The following PPARGC1A variants were observed in gnomAD, a reference collection of about 807,000 sequenced individuals.
The protein encoded by PPARGC1A is peroxisome proliferator-activated receptor gamma coactivator 1-alpha.
In PPARGC1A, 25 loss-of-function variants were observed where a neutral mutation model predicts 88.7. That is an observed-to-expected ratio of 0.28 (90% CI 0.21 to 0.39). The LOEUF (loss-of-function observed/expected upper bound fraction) is 0.39. PPARGC1A is among the 10% of genes least tolerant of loss of function. The pLI, the probability that PPARGC1A is intolerant of heterozygous loss-of-function variation, is 1.00. For missense variants in PPARGC1A, 880 were observed against 968.7 expected (o/e 0.91, Z 1.22); for synonymous variants, 363 against 355.6 (o/e 1.02, Z -0.24).
chr4:24,012,249 G>GT, the PPARGC1A span, among the ~76,000 whole-genome samples: 1 of 152,112 alleles, frequency 6.6e-6, no homozygotes, highest in African/African-American at 2.4e-5. Flanking sequence ...GAAAAAATAT[G>GT]TTGTGGGTCA....
chr4:24,145,899 A>G, the PPARGC1A span, among the ~76,000 whole-genome samples: 22 of 152,180 alleles, frequency 1.4e-4, no homozygotes, highest in African/African-American at 5.1e-4. Flanking sequence ...AACTTCCACA[A>G]GGACGTGTGG....
chr4:24,428,838 A>G, the PPARGC1A span, among the ~76,000 whole-genome samples: 1 of 152,220 alleles, frequency 6.6e-6, no homozygotes, highest in African/African-American at 2.4e-5. Context: ...CTTTCTTATC[A>G]TTAGGCATAC....
the PPARGC1A span, among the ~76,000 whole-genome samples, chr4:23,963,555 G>A: frequency 6.6e-6 from 1 of 152,170 alleles, no homozygotes; most frequent in Non-Finnish European, 1.5e-5. Context: ...AAGACTCACA[G>A]TCTGTTTGAA....
At chr4:23,870,258 T>C (rs1242123464) in intron 2 of PPARGC1A, among the ~76,000 whole-genome samples, 1 of 152,228 alleles carries the variant, frequency 6.6e-6, no homozygotes, top group East Asian at 1.9e-4. Flanking sequence ...TTATTAAAAC[T>C]TTTTTATGGA....
intron 10 of PPARGC1A, among the ~76,000 whole-genome samples, chr4:23,810,763 TA>T (rs1720750692): frequency 6.6e-6 from 1 of 152,156 alleles, no homozygotes; most frequent in African/African-American, 2.4e-5. Flanking sequence ...TTATAAAATA[TA>T]AATTTGCAAA....
At chr4:23,866,945 C>T (rs888763848) in intron 2 of PPARGC1A, among the ~76,000 whole-genome samples, 5 of 152,126 alleles carry the variant, frequency 3.3e-5, no homozygotes, top group African/African-American at 4.8e-5. Flanking sequence ...GCAATGTAGA[C>T]GGGACTTGTT....
chr4:23,903,647 C>A (rs565882268), upstream of PPARGC1A, among the ~76,000 whole-genome samples: 30 of 152,256 alleles, frequency 2.0e-4, no homozygotes, highest in Admixed American at 5.9e-4. Context: ...CCCCAGAAAA[C>A]TGGAGCAGTG....
chr4:24,132,046 G>A, the PPARGC1A span, among the ~76,000 whole-genome samples: 1 of 152,160 alleles, frequency 6.6e-6, no homozygotes, highest in Non-Finnish European at 1.5e-5. Context: ...TGAATTGGCC[G>A]CGGGCATTTC....
At chr4:24,470,725 G>A in the PPARGC1A span, among the ~76,000 whole-genome samples, 1 of 151,758 alleles carries the variant, frequency 6.6e-6, no homozygotes. This position sits in a 1 kb window ranked among gnomAD's most constrained non-coding sequence, Gnocchi z 5.8. Flanking sequence ...CACCCGCGGC[G>A]GCGGCCCGAC....
chr4:24,317,554 C>CAAAAAAAAAAAAAAA, the PPARGC1A span, among the ~76,000 whole-genome samples: 4 of 14,252 alleles, frequency 2.8e-4, no homozygotes, highest in Non-Finnish European at 7.8e-4. Context: ...GTTCAGAGGA[C>CAAAAAAAAAAAAAAA]TAAAAAAAAA....
At chr4:24,278,135 C>T in the PPARGC1A span, among the ~76,000 whole-genome samples, 2 of 151,610 alleles carry the variant, frequency 1.3e-5, no homozygotes, top group Admixed American at 1.3e-4. Context: ...CCACTGCACT[C>T]CAGCCTGGGT....
chr4:24,151,388 G>T, the PPARGC1A span, among the ~76,000 whole-genome samples: 1 of 152,128 alleles, frequency 6.6e-6, no homozygotes, highest in South Asian at 2.1e-4. Flanking sequence ...AAAGGGCTCT[G>T]TTCTCTTCCT....
the PPARGC1A span, among the ~76,000 whole-genome samples, chr4:24,174,598 A>G: frequency 6.6e-6 from 1 of 152,188 alleles, no homozygotes. Context: ...TCCCCATGCT[A>G]TGTGGTCATG....
At chr4:24,359,816 A>G in the PPARGC1A span, among the ~76,000 whole-genome samples, 1 of 152,178 alleles carries the variant, frequency 6.6e-6, no homozygotes, top group East Asian at 1.9e-4. Context: ...CTTCCCTGGA[A>G]TTTTCATAGA....
At chr4:23,984,043 A>T in the PPARGC1A span, among the ~76,000 whole-genome samples, 1 of 152,116 alleles carries the variant, frequency 6.6e-6, no homozygotes, top group African/African-American at 2.4e-5. Context: ...TATACAATTT[A>T]TGTATGTGTA....
At chr4:24,065,138 G>A in the PPARGC1A span, among the ~76,000 whole-genome samples, 1 of 152,170 alleles carries the variant, frequency 6.6e-6, no homozygotes, top group Non-Finnish European at 1.5e-5. Flanking sequence ...GGCTGGAGAA[G>A]GGACCTACCT....
chr4:23,802,729 G>A, intron 10 of PPARGC1A, among the ~76,000 whole-genome samples: 1 of 136,264 alleles, frequency 7.3e-6, no homozygotes. Context: ...ATTCATAAAT[G>A]TACAATCATG....
the PPARGC1A span, among the ~76,000 whole-genome samples, chr4:24,388,934 G>A: frequency 3.3e-5 from 5 of 152,188 alleles, no homozygotes; most frequent in South Asian, 4.2e-4. Context: ...AAACGTGCAC[G>A]TTCTGCACAT....
the PPARGC1A span, among the ~76,000 whole-genome samples, chr4:24,066,156 T>A: frequency 1.3e-5 from 2 of 151,844 alleles, no homozygotes; most frequent in African/African-American, 4.8e-5. Flanking sequence ...CCTCTAACAC[T>A]CATGACTGGC....
Sources: gnomAD v4.1 joint callset for allele counts (sites outside exome capture counted in the v4.1 genomes callset) on GRCh38, gnomAD v4.1.1 for gene constraint, Gnocchi (gnomAD v3.1) non-coding constraint, MANE v1.5 for transcripts, NCBI Gene and HGNC (gene_info 2026-07-23, HGNC 2026-07-21) for gene names.